The following OSBP2 variants were observed in gnomAD, a reference collection of about 807,000 sequenced individuals.
OSBP2 encodes oxysterol binding protein 2, also known as oxysterol-binding protein 2.
In OSBP2, 66 loss-of-function variants were observed where a neutral mutation model predicts 96.0. The observed-to-expected ratio is 0.69, with a 90% CI of 0.56 to 0.84. The LOEUF (loss-of-function observed/expected upper bound fraction) is 0.84. OSBP2 is among the 40% of genes least tolerant of loss of function. OSBP2 has a pLI of 0.00. For synonymous variants in OSBP2, 525 were observed against 520.9 expected (o/e 1.01, Z -0.11); for missense variants, 1,038 against 1,222.7 (o/e 0.85, Z 2.25).
At chr22:30,780,381 G>A (rs768535930) in intron 2 of OSBP2, among the ~76,000 whole-genome samples, 4 of 152,328 alleles carry the variant, frequency 2.6e-5, no homozygotes, top group South Asian at 2.1e-4. Flanking sequence ...CCCCTGCTAC[G>A]TATAAAGAAC....
intron 2 of OSBP2, among the ~76,000 whole-genome samples, chr22:30,821,358 C>T (rs136225): frequency 0.89 from 135,007 of 152,232 alleles, 60,173 homozygotes; most frequent in East Asian, 1. Context: ...ACAGGCAAGA[C>T]GAGGGCGTAG....
rs1277589222 is a variant in OSBP2, at chr22:30,883,089, G to T, written c.1108-4337G>T. On this transcript the variant is annotated intron_variant, in intron 3 of 13. Transcript: ENST00000332585. ...GTGGATGGAGAGGATGATTCTGGGG[G>T]CTGTAGGAGACTGGCAGGAAGTGAT... is the stretch of plus-strand genomic sequence containing the variant. Among the ~76,000 whole-genome samples, 3 of 152,244 alleles carry T rather than the reference G, an allele frequency of 2.0e-5. No homozygotes were observed. The East Asian group carries it at 5.8e-4, about 29-fold the overall frequency.
At chr22:30,869,870 A>G (rs2147107487) in intron 2 of OSBP2, among the ~76,000 whole-genome samples, 1 of 152,292 alleles carries the variant, frequency 6.6e-6, no homozygotes, top group East Asian at 1.9e-4. Flanking sequence ...ATGGCGGGAA[A>G]GGCCCCAAAC....
intron 2 of OSBP2, among the ~76,000 whole-genome samples, chr22:30,850,482 A>G (rs995549528): frequency 6.6e-6 from 1 of 152,046 alleles, no homozygotes; most frequent in Admixed American, 6.6e-5. Flanking sequence ...CTTGTTTTCC[A>G]AAACTGTTTT....
chr22:30,755,476 T>C (rs1247776746), intron 2 of OSBP2, among the ~76,000 whole-genome samples: 1 of 152,194 alleles, frequency 6.6e-6, no homozygotes, highest in Non-Finnish European at 1.5e-5. Context: ...TTTTCTGCTG[T>C]TCTGATGAGG....
At chr22:30,885,745 T>C (rs1475839243) in intron 3 of OSBP2, among the ~76,000 whole-genome samples, 1 of 152,180 alleles carries the variant, frequency 6.6e-6, no homozygotes, top group East Asian at 1.9e-4. Context: ...CGCAGAATGC[T>C]CGGGCCCTAC....
In OSBP2 at chr22:30,793,261, G is replaced by C. The variant is rs557537169; in HGVS notation, c.853+51892G>C. ...AAAAACTAGCCAGGTGTGGTGGCAGGTGCCTGTAATCCCAGCTACTCAGGA... is the reference window on the plus strand; with the variant it reads ...AAAAACTAGCCAGGTGTGGTGGCAGCTGCCTGTAATCCCAGCTACTCAGGA... On this transcript the variant is annotated intron_variant, in intron 2 of 13. Transcript: ENST00000332585. 2.6e-5 allele frequency among the ~76,000 whole-genome samples: 4 copies of C among 152,058 alleles called. No homozygotes were observed. The East Asian group carries it at 5.8e-4, about 22-fold the overall frequency.
At chr22:30,730,940 C>T (rs570214080) in intron 1 of OSBP2, among the ~76,000 whole-genome samples, 59 of 149,950 alleles carry the variant, frequency 3.9e-4, no homozygotes, top group Non-Finnish European at 5.6e-4. Flanking sequence ...TTTGGGTGGC[C>T]GAGGCAGGTG....
chr22:30,740,647 A>C (rs553583566), intron 1 of OSBP2, among the ~76,000 whole-genome samples: 3 of 152,132 alleles, frequency 2.0e-5, no homozygotes, highest in African/African-American at 7.2e-5. Flanking sequence ...TCTCAGTCAT[A>C]ATTTTGCAAA....
At chr22:30,816,783 C>T (rs989226491) in intron 2 of OSBP2, among the ~76,000 whole-genome samples, 1 of 152,192 alleles carries the variant, frequency 6.6e-6, no homozygotes, top group Admixed American at 6.5e-5. Context: ...GTTGCCCTGG[C>T]TGGAGTGCAG....
chr22:30,852,116 GCTTGTAGTTTTTCTTGTGATGT>G (rs1162591531), intron 2 of OSBP2, among the ~76,000 whole-genome samples: 1 of 152,146 alleles, frequency 6.6e-6, no homozygotes, highest in Non-Finnish European at 1.5e-5. Context: ...GGGTTTAGGG[GCTTGTAGTTTTTCTTGTGATGT>G]CTTTCTGCTT....
At chr22:30,877,411 C>T (rs1446750758) in intron 3 of OSBP2, among the ~76,000 whole-genome samples, 2 of 152,068 alleles carry the variant, frequency 1.3e-5, no homozygotes, top group Admixed American at 6.6e-5. Flanking sequence ...CACAGGTGCT[C>T]GGCCAGGCAT....
chr22:30,890,334 G>T lies in OSBP2; in HGVS notation c.1624-394G>T, dbSNP rs553615217. Among the ~76,000 whole-genome samples, 7 of 151,856 alleles carry T rather than the reference G, an allele frequency of 4.6e-5. No individual in the cohort carries two copies. The highest frequency in any genetic ancestry group is 7.4e-5 in the Non-Finnish European group (5 of 67,984). Reference sequence around the variant, plus strand: ...CCTGTGCCGGGCCCCATCACAGCTCGCAACATGGGGAAGACCCACTTCCTC... The same window carrying T: ...CCTGTGCCGGGCCCCATCACAGCTCTCAACATGGGGAAGACCCACTTCCTC... On this transcript the variant is annotated intron_variant, in intron 7 of 13. Transcript: ENST00000332585. This position sits in a 1 kb window ranked among gnomAD's most constrained non-coding sequence, Gnocchi z 4.4.
intron 12 of OSBP2, among the ~76,000 whole-genome samples, chr22:30,900,854 T>C (rs909544819): frequency 6.6e-6 from 1 of 152,322 alleles, no homozygotes; most frequent in East Asian, 1.9e-4. Flanking sequence ...AAGGAAATAT[T>C]AAGACACAAG....
chr22:30,766,100 T>C (rs1569114305), intron 2 of OSBP2, among the ~76,000 whole-genome samples: 1 of 152,104 alleles, frequency 6.6e-6, no homozygotes, highest in African/African-American at 2.4e-5. Flanking sequence ...CTGGGTGTGG[T>C]AGCACACACC....
rs777098721 is a variant in OSBP2 at position 30,903,168 on chromosome 22, C to T, written c.2376-2669C>T. Among the ~76,000 whole-genome samples, 27 of 152,212 alleles carry T rather than the reference C, an allele frequency of 1.8e-4. 1 individual carries two copies. The East Asian group carries it at 5.2e-3, about 29-fold the overall frequency. On this transcript the variant is annotated intron_variant, in intron 12 of 13. Coordinates refer to ENST00000332585, the MANE Select transcript of OSBP2 (RefSeq NM_030758.4). ...CTTTGCTTTCTCTTTTTACTTTAGA[C>T]ATTGGCCCGACTCCAGGTGTTTCCT...
At chr22:30,715,370 T>C (rs1420833808) in intron 1 of OSBP2, among the ~76,000 whole-genome samples, 1 of 148,960 alleles carries the variant, frequency 6.7e-6, no homozygotes, top group Non-Finnish European at 1.5e-5. Context: ...CTCTCTCTCT[T>C]TTTTTTTTTT....
intron 2 of OSBP2, among the ~76,000 whole-genome samples, chr22:30,805,448 T>G (rs1466542821): frequency 6.6e-6 from 1 of 152,226 alleles, no homozygotes; most frequent in Non-Finnish European, 1.5e-5. Flanking sequence ...GACCTGAGTT[T>G]GAATCCTGAT....
chr22:30,884,858 C>T (rs576323830), intron 3 of OSBP2, among the ~76,000 whole-genome samples: 1 of 152,360 alleles, frequency 6.6e-6, no homozygotes, highest in South Asian at 2.1e-4. Flanking sequence ...CTGGGAGCAG[C>T]TGCTGATTCA....
Sources: gnomAD v4.1 joint callset for allele counts (sites outside exome capture counted in the v4.1 genomes callset) on GRCh38, gnomAD v4.1.1 for gene constraint, Gnocchi (gnomAD v3.1) non-coding constraint, MANE v1.5 for transcripts, NCBI Gene and HGNC (gene_info 2026-07-23, HGNC 2026-07-21) for gene names.